FBXO11: variants seen among roughly 807,000 people sequenced by gnomAD.
The protein encoded by FBXO11 is F-box protein 11.
FBXO11 carries 13 observed loss-of-function variants against 117.0 expected under a neutral mutation model. The observed-to-expected ratio is 0.11, with a 90% CI of 0.07 to 0.18. The LOEUF is 0.18. Among genes scored for constraint, FBXO11 ranks in the 10% least tolerant of loss-of-function variants. The pLI, the probability that FBXO11 is intolerant of heterozygous loss-of-function variation, is 1.00. For missense variants in FBXO11, 767 were observed against 1,164.4 expected (o/e 0.66, Z 4.97); for synonymous variants, 490 against 380.5 (o/e 1.29, Z -3.35).
intron 1 of FBXO11, among the ~76,000 whole-genome samples, chr2:47,865,213 C>T (rs1455656148): frequency 1.3e-5 from 2 of 152,162 alleles, no homozygotes; most frequent in African/African-American, 2.4e-5. Flanking sequence ...TCTATTTACC[C>T]CTTCGGTGAT....
chr2:47,838,987 C>T lies in FBXO11; in HGVS notation c.459G>A (p.Gln153=). The change falls in exon 4 of 23, where the codon CAG becomes CAA. Residue 153 remains glutamine, a synonymous_variant. Coordinates refer to ENST00000403359, the MANE Select transcript of FBXO11 (RefSeq NM_001190274.2). ...SQDLSAAPAE[Q]YLQEKLPDEV... ...CATCTGGCAGTTTCTCCTGAAGATA[C>T]TGTTCAGCAGGTGCTGCTATAAAGA... 3.1e-6 allele frequency: 5 copies of T among 1,613,854 alleles called. No individual in the cohort carries two copies. The highest frequency in any genetic ancestry group is 1.7e-4 in the Middle Eastern group (1 of 6,060).
At chr2:47,850,598 T>C (rs144442112) in intron 1 of FBXO11, among the ~76,000 whole-genome samples, 10 of 152,172 alleles carry the variant, frequency 6.6e-5, no homozygotes, top group East Asian at 1.9e-4. Flanking sequence ...ATACTCTATA[T>C]AGAAAATGTC....
chr2:47,823,686 G>C (rs1671542200), intron 11 of FBXO11, among the ~76,000 whole-genome samples: 1 of 152,102 alleles, frequency 6.6e-6, no homozygotes, highest in Non-Finnish European at 1.5e-5. Context: ...CCGGGAGTCA[G>C]AGGTTGCAGT....
rs1558488049 is a variant in FBXO11 at position 47,901,056 on chromosome 2, T to TAC, written c.232+4432_232+4433insGT. 1.5e-4 allele frequency among the ~76,000 whole-genome samples: 19 copies of TAC among 124,012 alleles called. No individual in the cohort carries two copies. The East Asian group carries it at 4.3e-3, about 28-fold the overall frequency. 81.4% of individuals were successfully genotyped at this position (124,012 alleles called of 152,430 possible). ...ACACACGTGTGTACATATATACACA[T>TAC]ATATATGTATATATATACACACGTG... On this transcript the variant is annotated intron_variant, in intron 1 of 22. Coordinates refer to ENST00000403359, the MANE Select transcript of FBXO11 (RefSeq NM_001190274.2).
At chr2:47,902,735 A>G (rs1678391247) in intron 1 of FBXO11, among the ~76,000 whole-genome samples, 1 of 152,164 alleles carries the variant, frequency 6.6e-6, no homozygotes, top group South Asian at 2.1e-4. Context: ...TATTACCACT[A>G]AAGAACCTGA....
intron 1 of FBXO11, among the ~76,000 whole-genome samples, chr2:47,893,696 C>T (rs1220882366): frequency 6.6e-6 from 1 of 152,080 alleles, no homozygotes; most frequent in Admixed American, 6.5e-5. Context: ...ATATTGGCAA[C>T]CCAAATGATA....
At chr2:47,843,638 A>G (rs948251819) in intron 1 of FBXO11, among the ~76,000 whole-genome samples, 17 of 152,072 alleles carry the variant, frequency 1.1e-4, no homozygotes, top group African/African-American at 4.1e-4. Context: ...TTTTTGGTCT[A>G]TCAGCTTTCT....
chr2:47,890,491 G>C (rs1677176409), intron 1 of FBXO11, among the ~76,000 whole-genome samples: 1 of 152,068 alleles, frequency 6.6e-6, no homozygotes, highest in Non-Finnish European at 1.5e-5. Context: ...AGTAGTATGA[G>C]TTCACGACAC....
chr2:47,891,170 A>ATGTT (rs1312229646), intron 1 of FBXO11, among the ~76,000 whole-genome samples: 1 of 152,060 alleles, frequency 6.6e-6, no homozygotes, highest in Non-Finnish European at 1.5e-5. Context: ...TTCTTAACAA[A>ATGTT]TGTTTAAGTG....
chr2:47,841,325 T>C (rs1464613467), intron 1 of FBXO11, among the ~76,000 whole-genome samples: 2 of 152,164 alleles, frequency 1.3e-5, no homozygotes, highest in African/African-American at 2.4e-5. Flanking sequence ...AGCTTCTCTA[T>C]AGAAACATTC....
At chr2:47,837,327 G>A (rs1672660344) in intron 4 of FBXO11, among the ~76,000 whole-genome samples, 1 of 152,198 alleles carries the variant, frequency 6.6e-6, no homozygotes, top group Non-Finnish European at 1.5e-5. Flanking sequence ...AGGAGTTCAA[G>A]ACCAGCCTAG....
At chr2:47,885,359 C>A (rs1007556139) in intron 1 of FBXO11, among the ~76,000 whole-genome samples, 1 of 152,012 alleles carries the variant, frequency 6.6e-6, no homozygotes, top group Non-Finnish European at 1.5e-5. Flanking sequence ...TTTGGGAGGC[C>A]GAGGTGAGTA....
chr2:47,818,678 G>A, intron 16 of FBXO11, 101 bp downstream of exon 16: 1 of 723,918 alleles, frequency 1.4e-6, no homozygotes, highest in Non-Finnish European at 2.3e-6. Context: ...TATACAATAG[G>A]GGGATAAAGA....
intron 1 of FBXO11, among the ~76,000 whole-genome samples, chr2:47,867,075 T>G (rs2103796941): frequency 6.6e-6 from 1 of 152,312 alleles, no homozygotes; most frequent in Non-Finnish European, 1.5e-5. Context: ...TTCCAGATTT[T>G]GTCTAACATT....
rs185145957 is a variant in FBXO11, at chr2:47,898,562, A to G, written c.232+6927T>C. On this transcript the variant is annotated intron_variant, in intron 1 of 22. Coordinates refer to ENST00000403359, the MANE Select transcript of FBXO11 (RefSeq NM_001190274.2). ...GGGGAAATCTACCCTTCTTTGTATA[A>G]TGAGTGCTTAATGATCTCATCAACA... is the stretch of plus-strand genomic sequence containing the variant. 5.9e-5 allele frequency among the ~76,000 whole-genome samples: 9 copies of G among 152,340 alleles called. No homozygotes were observed. In the East Asian group the frequency reaches 1.7e-3, roughly 29 times the overall value.
chr2:47,888,447 G>T (rs560956685), intron 1 of FBXO11, among the ~76,000 whole-genome samples: 28 of 152,206 alleles, frequency 1.8e-4, no homozygotes, highest in African/African-American at 6.7e-4. Flanking sequence ...CACCAAAAAA[G>T]AAAGGATGTA....
chr2:47,809,790 GCTT>G (rs1670483951), intron 19 of FBXO11, 83 bp from the exon 20 acceptor site: 2 of 854,156 alleles, frequency 2.3e-6, no homozygotes, highest in South Asian at 1.5e-5. Flanking sequence ...AATGTAAACT[GCTT>G]CTTTTATAGA....
At chr2:47,842,659 A>G (rs1023520449) in intron 1 of FBXO11, among the ~76,000 whole-genome samples, 1 of 152,126 alleles carries the variant, frequency 6.6e-6, no homozygotes, top group African/African-American at 2.4e-5. Flanking sequence ...TAAAACACAC[A>G]GTATGCCTGG....
At chr2:47,826,802 G>A (rs974168985) in intron 11 of FBXO11, among the ~76,000 whole-genome samples, 1 of 152,100 alleles carries the variant, frequency 6.6e-6, no homozygotes, top group Non-Finnish European at 1.5e-5. Flanking sequence ...GTCTCACTCT[G>A]TTGCCCAGGA....
Sources: gnomAD v4.1 joint callset for allele counts (sites outside exome capture counted in the v4.1 genomes callset) on GRCh38, gnomAD v4.1.1 for gene constraint, MANE v1.5 for transcripts, NCBI Gene and HGNC (gene_info 2026-07-23, HGNC 2026-07-21) for gene names.